The following CNTROB variants were observed in gnomAD, a reference collection of about 807,000 sequenced individuals.
CNTROB encodes the protein centrobin.
In CNTROB, 82 loss-of-function variants were observed where a neutral mutation model predicts 115.7. The ratio of observed to expected loss-of-function variants is 0.71; its 90% CI spans 0.59 to 0.85. The LOEUF (loss-of-function observed/expected upper bound fraction) is 0.85, where lower values mean the gene tolerates loss of function less well. Ranked by LOEUF, CNTROB falls within the 40% of genes least tolerant of loss-of-function variation. CNTROB has a pLI of 0.00. For missense variants in CNTROB, 1,014 were observed against 1,144.4 expected (o/e 0.89, Z 1.64); for synonymous variants, 439 against 456.4 (o/e 0.96, Z 0.49).
In CNTROB at chr17:7,939,652, A is replaced by C. The variant is rs775555378; in HGVS notation, c.1067A>C (p.Glu356Ala). Residue 356 changes from glutamate to alanine, a missense_variant, in exon 8 of 19, where the codon GAA becomes GCA. Physicochemically the swap from Glu to Ala is moderately radical, Grantham distance 107. Coordinates refer to ENST00000563694, the MANE Select transcript of CNTROB (RefSeq NM_053051.5). This position sits in a 1 kb window ranked among gnomAD's most constrained non-coding sequence, Gnocchi z 4.4. ...TTGGAGACTCTTCGGGCTGCCCTAGAAGAAGAACGGCAGACCTGGGCCCAG... is the reference window on the plus strand; with the variant it reads ...TTGGAGACTCTTCGGGCTGCCCTAGCAGAAGAACGGCAGACCTGGGCCCAG... ...RELETLRAAL[E>A]EERQTWAQQE... 6.2e-7 allele frequency: 1 copy of C among 1,614,072 alleles called. No individual in the cohort carries two copies. The highest frequency in any genetic ancestry group is 8.5e-7 in the Non-Finnish European group (1 of 1,180,008).
chr17:7,945,477 G>A (rs548696405), intron 12 of CNTROB: 12 of 409,790 alleles, frequency 2.9e-5, no homozygotes, highest in East Asian at 8.4e-5. Flanking sequence ...TCAGCTTCCT[G>A]AGTAGCTGGG....
At position 7,947,966 on chromosome 17, in the gene CNTROB, G is replaced by T. The variant is rs1404016100; in HGVS notation, c.2196G>T (p.Leu732Phe). ...QNNENPSVDL[L>F]PPKSGPLTVP... ...ATGAGAACCCTTCTGTCGACCTGTT[G>T]CCCCCTAAGTCTGGTGAGTTCCAAC... Residue 732 changes from leucine to phenylalanine, a missense_variant, in exon 15 of 19, where the codon TTG becomes TTT. Leu to Phe is a conservative substitution (Grantham distance 22). Coordinates refer to ENST00000563694, the MANE Select transcript of CNTROB (RefSeq NM_053051.5). 8 of 1,613,890 alleles carry T rather than the reference G, an allele frequency of 5.0e-6. No homozygotes were observed. The highest frequency in any genetic ancestry group is 6.8e-6 in the Non-Finnish European group (8 of 1,179,862).
chr17:7,945,833 C>G lies in CNTROB; in HGVS notation c.1840C>G (p.Gln614Glu), dbSNP rs2151773751. The change falls in exon 13 of 19, where the codon CAG becomes GAG. Residue 614 changes from glutamine (Q) to glutamate (E), a missense_variant. Coordinates refer to ENST00000563694, the MANE Select transcript of CNTROB (RefSeq NM_053051.5). ...PMAVALKPVLQQSREARDELP... is the reference protein window; with the variant it reads ...PMAVALKPVLEQSREARDELP... ...GGCCGTGGCCCTGAAGCCTGTATTG[C>G]AGCAGAGCCGGGAAGCAAGGGACGA... is the stretch of plus-strand genomic sequence containing the variant. The G allele has an allele frequency of 6.2e-7, 1 of 1,614,218 alleles. No homozygotes were observed. Among genetic ancestry groups the G allele is most frequent in the Middle Eastern group, 1.6e-4 (1 of 6,062 alleles).
At chr17:7,941,463 A>G (rs11650894) in intron 9 of CNTROB, among the ~76,000 whole-genome samples, 76,344 of 151,540 alleles carry the variant, frequency 0.5, 19,753 homozygotes, top group East Asian at 0.76. Context: ...ATCCAGGTGT[A>G]TGGTGCACAC....
At position 7,947,694 on chromosome 17, in the gene CNTROB, T is replaced by G; in HGVS notation, c.2117T>G (p.Leu706Arg). Residue 706 changes from leucine to arginine, a missense_variant, in exon 14 of 19, where the codon CTG becomes CGG. By Grantham distance (102) the Leu-to-Arg change is moderately radical. Coordinates refer to ENST00000563694, the MANE Select transcript of CNTROB (RefSeq NM_053051.5). ...LLKQGLPPAQ[L>R]EGLKNFLHQL... is the part of the protein sequence containing the mutation. The stretch of plus-strand genomic sequence containing the variant: ...AAGCAAGGGCTGCCGCCTGCTCAGC[T>G]GGAGGGCCTCAAGAATTTTTTGCAC... The G allele has an allele frequency of 6.2e-7, 1 of 1,612,540 alleles. No individual in the cohort carries two copies. Among genetic ancestry groups the G allele is most frequent in the East Asian group, 2.2e-5 (1 of 44,864 alleles).
chr17:7,937,065 A>G, intron 6 of CNTROB, 99 bp from the exon 7 acceptor site: 2 of 1,453,476 alleles, frequency 1.4e-6, no homozygotes, highest in East Asian at 4.6e-5. Context: ...CATTTAGTTA[A>G]CTGTGAAGTT....
Position 7,935,070 on chromosome 17 carries a change from G to C in CNTROB, c.519G>C (p.Arg173=), listed in dbSNP as rs769666039. Residue 173 remains arginine (R), a synonymous_variant, in exon 4 of 19, where the codon CGG becomes CGC. Coordinates refer to ENST00000563694, the MANE Select transcript of CNTROB (RefSeq NM_053051.5). ...EELFPRYTSL[R]PGPPLNPPDF... ...TGTTTCCCCGCTACACCAGCCTTCG[G>C]CCAGGGCCTCCACTCAATCCCCCAG... 9 of 1,614,156 alleles carry C rather than the reference G, an allele frequency of 5.6e-6. No individual in the cohort carries two copies. In the South Asian group the frequency reaches 9.9e-5, roughly 18 times the overall value.
At chr17:7,938,711 C>G (rs1289986686) in intron 7 of CNTROB, among the ~76,000 whole-genome samples, 1 of 152,174 alleles carries the variant, frequency 6.6e-6, no homozygotes, top group African/African-American at 2.4e-5. Flanking sequence ...AGATTTGAAC[C>G]CAGGTCTACC....
chr17:7,933,120 C>A lies in CNTROB; in HGVS notation c.41C>A (p.Ala14Glu). 1 of 1,614,180 alleles carries A rather than the reference C, an allele frequency of 6.2e-7. No homozygotes were observed. Among genetic ancestry groups the A allele is most frequent in the Non-Finnish European group, 8.5e-7 (1 of 1,180,026 alleles). Residue 14 changes from alanine (A) to glutamate (E), a missense_variant, in exon 1 of 19, where the codon GCG becomes GAG. Physicochemically the swap from Ala to Glu is moderately radical, Grantham distance 107. Transcript: ENST00000563694. ...GACAGCCCCAGTTCACCCCTCGGGG[C>A]GGAGGATCTCCTGAGTGATTCATCA... ...SADSPSSPLG[A>E]EDLLSDSSEP...
chr17:7,947,340 T>A, intron 13 of CNTROB, among the ~76,000 whole-genome samples: 1 of 152,300 alleles, frequency 6.6e-6, no homozygotes, highest in Admixed American at 6.5e-5. Context: ...GTACCACAGC[T>A]TTCTTCTGTC....
chr17:7,936,322 TACC>T, intron 4 of CNTROB, 41 bp from the exon 5 acceptor site: 1 of 845,782 alleles, frequency 1.2e-6, no homozygotes. Flanking sequence ...GCTGTGGTCA[TACC>T]AAAGATGGGC....
Position 7,939,453 on chromosome 17 carries a change from G to T in CNTROB, c.928-60G>T, listed in dbSNP as rs537832109. 7.2e-7 allele frequency: 1 copy of T among 1,379,382 alleles called. No individual in the cohort carries two copies. Among genetic ancestry groups the T allele is most frequent in the Non-Finnish European group, 1.0e-6 (1 of 973,468 alleles). The allele number at this position is 1,379,382 out of a possible 1,614,324, so 85.4% of individuals were successfully genotyped here. The stretch of plus-strand genomic sequence containing the variant: ...CAGGCACCTTGTATGAGGGTCAGAG[G>T]GCAGATCGCTGGTCTCTGAAGAGCC... On this transcript the variant is annotated intron_variant, in intron 7 of 18. Coordinates refer to ENST00000563694, the MANE Select transcript of CNTROB (RefSeq NM_053051.5). This position sits in a 1 kb window ranked among gnomAD's most constrained non-coding sequence, Gnocchi z 4.4.
chr17:7,945,871 G>A lies in CNTROB; in HGVS notation c.1878G>A (p.Ala626=), dbSNP rs199521188. ...AAGCAAGGGACGAGCTACCTGGAGC[G>A]CCTCCTGTTCTTTGCAGTTCCTCCT... ...SREARDELPG[A]PPVLCSSSSD... Residue 626 remains alanine, a synonymous_variant, in exon 13 of 19, where the codon GCG becomes GCA. Transcript: ENST00000563694. 2.0e-5 allele frequency: 33 copies of A among 1,613,996 alleles called. No individual in the cohort carries two copies. In the East Asian group the frequency reaches 2.5e-4, roughly 12 times the overall value.
chr17:7,945,753 C>T lies in CNTROB; in HGVS notation c.1760C>T (p.Pro587Leu). The change falls in exon 13 of 19, where the codon CCC becomes CTC. Residue 587 changes from proline (P) to leucine (L), a missense_variant. Transcript: ENST00000563694. ...GCTCCTCCTGCTGGACCCTCCAGCC[C>T]CGGGCCTCAGGAGCCCGAGAAGGAG... ...PPAPPAGPSS[P>L]GPQEPEKEER... 2 of 1,614,234 alleles carry T rather than the reference C, an allele frequency of 1.2e-6. No homozygotes were observed. The highest frequency in any genetic ancestry group is 1.7e-6 in the Non-Finnish European group (2 of 1,180,038).
At chr17:7,934,794 TG>T in intron 3 of CNTROB, 194 bp from the exon 4 acceptor site, 8 of 730,186 alleles carry the variant, frequency 1.1e-5, no homozygotes, top group Non-Finnish European at 1.8e-5. Flanking sequence ...AGAGTTAGCT[TG>T]TTTCTGCTGA....
Position 7,949,474 on chromosome 17 carries a change from G to A in CNTROB, c.2676G>A (p.Pro892=), listed in dbSNP as rs572722264. 31 of 1,614,132 alleles carry A rather than the reference G, an allele frequency of 1.9e-5. No individual in the cohort carries two copies. Among genetic ancestry groups the A allele is most frequent in the Middle Eastern group, 1.6e-4 (1 of 6,062 alleles). Residue 892 remains proline, a synonymous_variant, in exon 19 of 19, where the codon CCG becomes CCA. Transcript: ENST00000563694. ...PARKKSGHPA[P]SSMRSRGGVW... ...GGAAGAAAAGTGGGCACCCTGCCCC[G>A]AGTAGCATGAGGAGCCGGGGGGGAG...
At chr17:7,936,891 T>G in intron 6 of CNTROB, 74 bp downstream of exon 6, 1 of 818,182 alleles carries the variant, frequency 1.2e-6, no homozygotes, top group Admixed American at 1.7e-5. Flanking sequence ...GAAATAGCTC[T>G]GGAATTAGGG....
chr17:7,940,042 T>G, intron 8 of CNTROB, 54 bp from the exon 9 acceptor site: 1 of 1,518,506 alleles, frequency 6.6e-7, no homozygotes, highest in African/African-American at 1.4e-5. Context: ...GGAGTGTAGG[T>G]AACCAGGAGA....
chr17:7,943,703 G>A lies in CNTROB; in HGVS notation c.1445+179G>A, dbSNP rs542318130. 2.0e-5 allele frequency: 13 copies of A among 639,712 alleles called. No individual in the cohort carries two copies. The African/African-American group carries it at 2.2e-4, about 11-fold the overall frequency. 39.6% of individuals were successfully genotyped at this position (639,712 alleles called of 1,614,324 possible). On this transcript the variant is annotated intron_variant, in intron 10 of 18. Transcript: ENST00000563694. This position sits in a 1 kb window ranked among gnomAD's most constrained non-coding sequence, Gnocchi z 4.7. ...AGGGCTGCCTTCACGCGTTCATGGA[G>A]AGCCAGAAGTGCCTGGGAATTTTCA...
Sources: allele counts gnomAD v4.1 joint callset (sites outside exome capture counted in the v4.1 genomes callset), GRCh38; gene constraint gnomAD v4.1.1; non-coding constraint Gnocchi (gnomAD v3.1); transcripts MANE v1.5; gene names NCBI Gene and HGNC (gene_info 2026-07-23, HGNC 2026-07-21).